UGT1A8: variants seen among roughly 807,000 people sequenced by gnomAD.
UGT1A8 encodes the protein UDP glucuronosyltransferase family 1 member A8.
Under a neutral mutation model 45.3 loss-of-function variants are expected in UGT1A8, and 39 were observed. That is an observed-to-expected ratio of 0.86 (90% CI 0.67 to 1.12). The LOEUF is 1.12. Among genes scored for constraint, UGT1A8 ranks in the 50% most tolerant of loss-of-function variants. The pLI is 0.00. For synonymous variants in UGT1A8, 275 were observed against 249.2 expected, an observed-to-expected ratio of 1.10 and a Z score of -0.97; for missense variants, 719 against 664.9, an observed-to-expected ratio of 1.08 and a Z score of -0.90.
chr2:233,660,190 A>G (rs1026604130), intron 1 of UGT1A8, among the ~76,000 whole-genome samples: 1 of 152,216 alleles, frequency 6.6e-6, no homozygotes, highest in African/African-American at 2.4e-5. Flanking sequence ...CTATACAACA[A>G]GGACATCTTC....
rs2076494681 is a variant in UGT1A8, at chr2:233,716,255, T to A, written c.856-50779T>A. Among the ~76,000 whole-genome samples, 5 of 152,210 alleles carry A rather than the reference T, an allele frequency of 3.3e-5. No homozygotes were observed. The South Asian group carries it at 1.0e-3, about 32-fold the overall frequency. On this transcript the variant is annotated intron_variant, in intron 1 of 4. Transcript: ENST00000373450. ...CATTGTCCTGCCCGGACATCCAGCA[T>A]AATCTCCCCATGTCAAAACCCTTAA...
At chr2:233,639,074 G>A (rs1427524020) in intron 1 of UGT1A8, among the ~76,000 whole-genome samples, 2 of 151,976 alleles carry the variant, frequency 1.3e-5, no homozygotes, top group Admixed American at 6.6e-5. Flanking sequence ...TGGCTCACAG[G>A]GTCACCTAGA....
intron 1 of UGT1A8, among the ~76,000 whole-genome samples, chr2:233,683,603 T>A (rs1470353290): frequency 6.6e-6 from 1 of 152,206 alleles, no homozygotes; most frequent in East Asian, 1.9e-4. Flanking sequence ...CCCTCATTAT[T>A]TATTCGGATT....
At chr2:233,747,905 T>C in intron 1 of UGT1A8, 4 of 1,613,538 alleles carry the variant, frequency 2.5e-6, no homozygotes, top group Non-Finnish European at 3.4e-6. Flanking sequence ...CTGCTCCTTA[T>C]GCAAGCCTTG....
At chr2:233,645,974 G>A (rs2073591963) in intron 1 of UGT1A8, among the ~76,000 whole-genome samples, 1 of 152,204 alleles carries the variant, frequency 6.6e-6, no homozygotes, top group Admixed American at 6.5e-5. Context: ...TGAGGGTCCT[G>A]CCCCTGCAGC....
intron 1 of UGT1A8, among the ~76,000 whole-genome samples, chr2:233,671,463 G>T (rs1575414865): frequency 6.6e-6 from 1 of 152,200 alleles, no homozygotes; most frequent in African/African-American, 2.4e-5. Context: ...TAGGAGGTCA[G>T]TGCTAAGGGC....
At chr2:233,629,437 C>T (rs2073148751) in intron 1 of UGT1A8, among the ~76,000 whole-genome samples, 1 of 152,116 alleles carries the variant, frequency 6.6e-6, no homozygotes, top group Admixed American at 6.6e-5. Flanking sequence ...TAATGTCAAA[C>T]CAGCCTTGCA....
intron 1 of UGT1A8, among the ~76,000 whole-genome samples, chr2:233,673,777 A>G (rs2074265138): frequency 6.6e-6 from 1 of 152,116 alleles, no homozygotes; most frequent in Non-Finnish European, 1.5e-5. Context: ...TGTTTTTTGC[A>G]TATGTATCTT....
chr2:233,762,888 C>T (rs986387218), intron 1 of UGT1A8, among the ~76,000 whole-genome samples: 1 of 152,086 alleles, frequency 6.6e-6, no homozygotes, highest in African/African-American at 2.4e-5. Context: ...TTATAAATTC[C>T]ATGCCAAATA....
intron 1 of UGT1A8, among the ~76,000 whole-genome samples, chr2:233,670,590 T>A (rs986661807): frequency 2.0e-5 from 3 of 152,240 alleles, no homozygotes; most frequent in African/African-American, 4.8e-5. Flanking sequence ...TGGTACTGAT[T>A]CAAAAGCACT....
chr2:233,742,517 C>A (rs1053081898), intron 1 of UGT1A8, among the ~76,000 whole-genome samples: 5 of 151,892 alleles, frequency 3.3e-5, no homozygotes, highest in African/African-American at 1.2e-4. Context: ...GAACACGTCA[C>A]AGTGCTGCAG....
intron 1 of UGT1A8, among the ~76,000 whole-genome samples, chr2:233,625,205 T>G (rs28969970): frequency 0.03 from 4,492 of 152,138 alleles, 205 homozygotes; most frequent in African/African-American, 0.1. Context: ...ACATCACTAA[T>G]CATCAGAGAA....
chr2:233,687,881 C>A (rs934476271), intron 1 of UGT1A8, among the ~76,000 whole-genome samples: 2 of 152,110 alleles, frequency 1.3e-5, no homozygotes, highest in African/African-American at 2.4e-5. Context: ...CCACTCCAGC[C>A]TGGGTGATAG....
chr2:233,772,803 T>C lies in UGT1A8; in HGVS notation c.*244T>C. On this transcript the variant is annotated 3_prime_UTR_variant, in exon 5 of 5. Transcript: ENST00000373450. The stretch of plus-strand genomic sequence containing the variant: ...TTGATCAGGATGACATGTGCCATTT[T>C]TCAGAGGACGTGCAGACAGGCTGGC... 8.8e-7 allele frequency: 1 copy of C among 1,134,554 alleles called. No homozygotes were observed. Among genetic ancestry groups the C allele is most frequent in the Non-Finnish European group, 1.2e-6 (1 of 843,778 alleles). The allele number at this position is 1,134,554 out of a possible 1,614,324, so 70.3% of individuals were successfully genotyped here.
At chr2:233,733,599 G>A (rs2078419468) in intron 1 of UGT1A8, among the ~76,000 whole-genome samples, 1 of 152,146 alleles carries the variant, frequency 6.6e-6, no homozygotes, top group Non-Finnish European at 1.5e-5. Context: ...TTTATGTGAT[G>A]GATTACATTT....
intron 1 of UGT1A8, among the ~76,000 whole-genome samples, chr2:233,658,186 T>C (rs2073896230): frequency 6.6e-6 from 1 of 151,970 alleles, no homozygotes; most frequent in Non-Finnish European, 1.5e-5. Context: ...GCCCAGCTAA[T>C]TTTTGTATTT....
chr2:233,687,393 A>G (rs984891443), intron 1 of UGT1A8, among the ~76,000 whole-genome samples: 3 of 152,106 alleles, frequency 2.0e-5, no homozygotes, highest in Non-Finnish European at 4.4e-5. Context: ...ATTAAATATA[A>G]TAAAAGCTAA....
rs540606982 is a variant in UGT1A8, at chr2:233,620,333, A to G, written c.855+1771A>G. Among the ~76,000 whole-genome samples, 5 of 152,300 alleles carry G rather than the reference A, an allele frequency of 3.3e-5. No homozygotes were observed. In the East Asian group the frequency reaches 5.8e-4, roughly 18 times the overall value. On this transcript the variant is annotated intron_variant, in intron 1 of 4. Coordinates refer to ENST00000373450, the MANE Select transcript of UGT1A8 (RefSeq NM_019076.5). Reference sequence around the variant, plus strand: ...AGCACTTTTCTCCTCATTATCCTCCATTAATTACAGTACCAAGCACCACCC... The same window carrying G: ...AGCACTTTTCTCCTCATTATCCTCCGTTAATTACAGTACCAAGCACCACCC...
intron 1 of UGT1A8, among the ~76,000 whole-genome samples, chr2:233,655,311 C>T (rs1300977294): frequency 6.6e-6 from 1 of 152,150 alleles, no homozygotes; most frequent in Non-Finnish European, 1.5e-5. Context: ...AGTGACAACC[C>T]ATGCAGGTTT....
Sources: allele counts gnomAD v4.1 joint callset (sites outside exome capture counted in the v4.1 genomes callset), GRCh38; gene constraint gnomAD v4.1.1; transcripts MANE v1.5; gene names NCBI Gene and HGNC (gene_info 2026-07-23, HGNC 2026-07-21).